Variants in C14orf39 observed in about 807,000 individuals in gnomAD.
The protein encoded by C14orf39 is chromosome 14 open reading frame 39.
In C14orf39, 66 loss-of-function variants were observed where a neutral mutation model predicts 85.6. The ratio of observed to expected loss-of-function variants is 0.77; its 90% confidence interval spans 0.63 to 0.95. C14orf39 has a LOEUF of 0.95. Among genes scored for constraint, C14orf39 ranks in the 40% least tolerant of loss-of-function variants. C14orf39 has a pLI of 0.00. For missense variants in C14orf39, 735 were observed against 663.9 expected (o/e 1.11, Z -1.18); for synonymous variants, 242 against 214.0 (o/e 1.13, Z -1.14).
Position 60,444,252 on chromosome 14 carries a change from G to C in C14orf39, c.1504-2121C>G, listed in dbSNP as rs541215229. 2.0e-5 allele frequency among the ~76,000 whole-genome samples: 3 copies of C among 152,208 alleles called. No homozygotes were observed. The South Asian group carries it at 6.2e-4, about 32-fold the overall frequency. On this transcript the variant is annotated intron_variant, in intron 16 of 17. Coordinates refer to ENST00000321731, the MANE Select transcript of C14orf39 (RefSeq NM_174978.3). ...AAGGTCGGTAATAACAAACTTCTAC[G>C]AGCTAAAGGAGCATGTTCTAACCCA...
At chr14:60,500,411 T>G (rs1164970815) in intron 1 of C14orf39, among the ~76,000 whole-genome samples, 1 of 152,238 alleles carries the variant, frequency 6.6e-6, no homozygotes, top group East Asian at 1.9e-4. Flanking sequence ...ATGTATCAAT[T>G]GTTTAATGTG....
At chr14:60,452,162 A>G (rs1388631615) in intron 16 of C14orf39, among the ~76,000 whole-genome samples, 6 of 147,958 alleles carry the variant, frequency 4.1e-5, no homozygotes, top group Non-Finnish European at 9.0e-5. Flanking sequence ...CAAAGACTCC[A>G]TCTCAAAAAA....
intron 16 of C14orf39, among the ~76,000 whole-genome samples, chr14:60,451,038 C>A (rs1891009239): frequency 1.3e-5 from 2 of 152,134 alleles, no homozygotes; most frequent in Non-Finnish European, 2.9e-5. Context: ...ATACCTAATT[C>A]TTCAATGCCT....
At chr14:60,505,530 G>A (rs774590774) in intron 1 of C14orf39, among the ~76,000 whole-genome samples, 2 of 151,974 alleles carry the variant, frequency 1.3e-5, no homozygotes, top group African/African-American at 4.8e-5. Flanking sequence ...ACCAACACTC[G>A]GCTTTGAGAC....
chr14:60,509,294 A>G, intron 1 of C14orf39: 1 of 999,958 alleles, frequency 1.0e-6, no homozygotes, highest in East Asian at 2.4e-5. Context: ...CGCTGCCCCA[A>G]TCCGCCTCAT....
At chr14:60,496,327 G>T in intron 2 of C14orf39, 1 of 360,114 alleles carries the variant, frequency 2.8e-6, no homozygotes. Flanking sequence ...ATACCTTGTT[G>T]CCCCATAGTG....
intron 2 of C14orf39, chr14:60,495,765 G>A (rs777183071): frequency 2.1e-5 from 5 of 241,608 alleles, no homozygotes; most frequent in African/African-American, 4.5e-5. Context: ...AGCTTGCTAC[G>A]ATACTTAAAT....
chr14:60,502,699 C>G (rs1393581398), intron 1 of C14orf39, among the ~76,000 whole-genome samples: 1 of 152,188 alleles, frequency 6.6e-6, no homozygotes, highest in South Asian at 2.1e-4. Flanking sequence ...TAAATCTACT[C>G]CCACTGTCTG....
chr14:60,437,025 T>C lies in C14orf39; in HGVS notation c.1584A>G (p.Glu528=). The C allele has an allele frequency of 1.9e-6, 3 of 1,606,734 alleles. No individual in the cohort carries two copies. The highest frequency in any genetic ancestry group is 2.5e-6 in the Non-Finnish European group (3 of 1,177,378). ...AAGAAAATGTAAAGCCATCTTCTCCTTCTGGCTTCTCAAGTAAGTTTCCTA... is the reference window on the plus strand; with the variant it reads ...AAGAAAATGTAAAGCCATCTTCTCCCTCTGGCTTCTCAAGTAAGTTTCCTA... ...QEIGNLLEKP[E]GEDGFTFSFP... is the part of the protein sequence containing the mutation. The change falls in exon 18 of 18, where the codon GAA becomes GAG. Residue 528 remains glutamate, a synonymous_variant. Coordinates refer to ENST00000321731, the MANE Select transcript of C14orf39 (RefSeq NM_174978.3).
intron 1 of C14orf39, among the ~76,000 whole-genome samples, chr14:60,485,532 A>T (rs569725710): frequency 2.0e-5 from 3 of 152,346 alleles, no homozygotes; most frequent in Admixed American, 2.0e-4. Context: ...AAACCTAGAG[A>T]AACAGTGCGA....
At chr14:60,445,397 A>T (rs1382276154) in intron 16 of C14orf39, among the ~76,000 whole-genome samples, 1 of 152,196 alleles carries the variant, frequency 6.6e-6, no homozygotes, top group African/African-American at 2.4e-5. Flanking sequence ...GAAAGGAAAA[A>T]AACCAGGAGT....
At chr14:60,501,519 C>T (rs1360816984) in intron 1 of C14orf39, among the ~76,000 whole-genome samples, 2 of 152,118 alleles carry the variant, frequency 1.3e-5, no homozygotes, top group Admixed American at 6.5e-5. Context: ...GAGAGGATAT[C>T]GCCCTGTCAA....
rs749323881 is a variant in C14orf39, at chr14:60,509,682, A to G, written c.-144+5713T>C. The G allele has an allele frequency of 1.9e-6, 3 of 1,613,902 alleles. No homozygotes were observed. The East Asian group carries it at 6.7e-5, about 36-fold the overall frequency. On this transcript the variant is annotated intron_variant, in intron 1 of 5. Transcript: ENST00000556799. ...CTGCAGGCGCTGTGGCTTGAAGCACACTACCAGGAGGCTGAGAAGCTGCGT... is the reference window on the plus strand; with the variant it reads ...CTGCAGGCGCTGTGGCTTGAAGCACGCTACCAGGAGGCTGAGAAGCTGCGT...
chr14:60,444,475 T>C (rs1890669353), intron 16 of C14orf39, among the ~76,000 whole-genome samples: 1 of 151,918 alleles, frequency 6.6e-6, no homozygotes, highest in Non-Finnish European at 1.5e-5. Context: ...ATTAATGAAA[T>C]AAAGCAAGAA....
intron 5 of C14orf39, among the ~76,000 whole-genome samples, chr14:60,473,602 G>C (rs994698220): frequency 6.6e-6 from 1 of 152,186 alleles, no homozygotes; most frequent in African/African-American, 2.4e-5. Flanking sequence ...AAGGGATCCA[G>C]TTTCAGCTTT....
intron 2 of C14orf39, among the ~76,000 whole-genome samples, chr14:60,492,613 AAAT>A (rs1462723918): frequency 2.5e-4 from 38 of 150,674 alleles, no homozygotes; most frequent in African/African-American, 9.2e-4. Flanking sequence ...CAAAAAAAAA[AAAT>A]AATAATAAAA....
At chr14:60,487,690 T>C (rs1488088619), upstream of C14orf39, among the ~76,000 whole-genome samples, 1 of 152,236 alleles carries the variant, frequency 6.6e-6, no homozygotes, top group Non-Finnish European at 1.5e-5. Context: ...TTTTTAAATT[T>C]TGAGAAGTCT....
chr14:60,508,710 A>G (rs1015056436), intron 1 of C14orf39, among the ~76,000 whole-genome samples: 4 of 152,048 alleles, frequency 2.6e-5, no homozygotes, highest in African/African-American at 7.2e-5. Flanking sequence ...TCCTGCTCCC[A>G]CCGCAAGGTT....
chr14:60,475,840 G>A (rs879551756), intron 5 of C14orf39, among the ~76,000 whole-genome samples: 1 of 151,954 alleles, frequency 6.6e-6, no homozygotes, highest in Non-Finnish European at 1.5e-5. Flanking sequence ...AAAATTCGTA[G>A]AAAAATTTTT....
Sources: gnomAD v4.1 joint callset for allele counts (sites outside exome capture counted in the v4.1 genomes callset) on GRCh38, gnomAD v4.1.1 for gene constraint, MANE v1.5 for transcripts, NCBI Gene and HGNC (gene_info 2026-07-23, HGNC 2026-07-21) for gene names.